THEMIS: variants seen among roughly 807,000 people sequenced by gnomAD.
THEMIS encodes protein THEMIS.
In THEMIS, 37 loss-of-function variants were observed where a neutral mutation model predicts 52.6. That is an observed-to-expected ratio of 0.70 (90% CI 0.54 to 0.93). THEMIS has a LOEUF of 0.93. THEMIS is among the 40% of genes least tolerant of loss of function. THEMIS has a pLI of 0.00. For synonymous variants in THEMIS, 292 were observed against 272.7 expected (o/e 1.07, Z -0.70); for missense variants, 808 against 763.1 (o/e 1.06, Z -0.69).
chr6:127,795,527 A>G (rs1583286596), intron 4 of THEMIS, among the ~76,000 whole-genome samples: 2 of 152,150 alleles, frequency 1.3e-5, no homozygotes, highest in African/African-American at 2.4e-5. Flanking sequence ...ATGGGGTTTC[A>G]CCTTGTTAGC....
intron 4 of THEMIS, among the ~76,000 whole-genome samples, chr6:127,802,348 G>A (rs535251525): frequency 1.1e-4 from 16 of 152,262 alleles, no homozygotes; most frequent in East Asian, 3.9e-4. Context: ...CAGATCTAAC[G>A]AGGGAACCAC....
intron 1 of THEMIS, among the ~76,000 whole-genome samples, chr6:127,858,657 C>T (rs1335130907): frequency 6.6e-6 from 1 of 151,994 alleles, no homozygotes; most frequent in East Asian, 1.9e-4. Flanking sequence ...AAAAAAATTG[C>T]TGAGATATGT....
intron 5 of THEMIS, 92 bp downstream of exon 5, chr6:127,719,596 A>G (rs930737206): frequency 1.2e-5 from 15 of 1,234,730 alleles, no homozygotes; most frequent in Non-Finnish European, 1.7e-5. Flanking sequence ...ATATATTCCA[A>G]ATAAAATAAT....
intron 2 of THEMIS, among the ~76,000 whole-genome samples, chr6:127,853,361 T>C (rs959274335): frequency 6.6e-6 from 1 of 151,736 alleles, no homozygotes; most frequent in Non-Finnish European, 1.5e-5. Context: ...CTGGGAGCTT[T>C]AAGAAACCTT....
At chr6:127,722,544 ACTT>A (rs1206474232) in intron 4 of THEMIS, among the ~76,000 whole-genome samples, 1 of 151,652 alleles carries the variant, frequency 6.6e-6, no homozygotes, top group Non-Finnish European at 1.5e-5. Flanking sequence ...TACCTGTTCA[ACTT>A]CTTTTCTGAA....
intron 2 of THEMIS, among the ~76,000 whole-genome samples, chr6:127,846,248 C>T (rs371004730): frequency 6.6e-6 from 1 of 151,846 alleles, no homozygotes; most frequent in Non-Finnish European, 1.5e-5. Context: ...AAAAAGGAAA[C>T]AATTTGATTA....
intron 1 of THEMIS, among the ~76,000 whole-genome samples, chr6:127,906,455 A>G (rs1019321536): frequency 6.6e-6 from 1 of 151,970 alleles, no homozygotes; most frequent in South Asian, 2.1e-4. Context: ...TTAATGGTGC[A>G]ATGTTTAGTC....
intron 4 of THEMIS, among the ~76,000 whole-genome samples, chr6:127,800,340 A>G (rs1338706405): frequency 6.6e-6 from 1 of 152,124 alleles, no homozygotes; most frequent in Non-Finnish European, 1.5e-5. Context: ...CTCATGGGCT[A>G]CCCACTCTAG....
At chr6:127,906,992 A>C (rs144539617) in intron 1 of THEMIS, among the ~76,000 whole-genome samples, 2,660 of 152,046 alleles carry the variant, frequency 0.017, 86 homozygotes, top group African/African-American at 0.06. Context: ...AAGCTTCAGC[A>C]GTAGAGGCTT....
At chr6:127,730,706 T>G (rs1187295987) in intron 4 of THEMIS, among the ~76,000 whole-genome samples, 1 of 152,220 alleles carries the variant, frequency 6.6e-6, no homozygotes, top group African/African-American at 2.4e-5. Flanking sequence ...TTTTCAGCAA[T>G]GAAAGCATAT....
intron 2 of THEMIS, among the ~76,000 whole-genome samples, chr6:127,841,529 G>GT (rs1201981820): frequency 2.6e-5 from 4 of 152,072 alleles, no homozygotes; most frequent in African/African-American, 9.7e-5. Context: ...AGCACCAGCT[G>GT]TGGAACAGCC....
intron 5 of THEMIS, among the ~76,000 whole-genome samples, chr6:127,711,408 G>A (rs939502518): frequency 1.3e-5 from 2 of 151,940 alleles, no homozygotes; most frequent in African/African-American, 4.8e-5. Context: ...AAAGAAGAGC[G>A]ATTTCTCCAC....
chr6:127,781,960 G>A, intron 4 of THEMIS, among the ~76,000 whole-genome samples: 1 of 152,202 alleles, frequency 6.6e-6, no homozygotes, highest in Non-Finnish European at 1.5e-5. Flanking sequence ...GAGCCAGCAG[G>A]CAGGAATGTT....
intron 1 of THEMIS, among the ~76,000 whole-genome samples, chr6:127,884,481 T>C (rs1780585030): frequency 6.6e-6 from 1 of 152,134 alleles, no homozygotes; most frequent in African/African-American, 2.4e-5. Flanking sequence ...ATTAATGTTT[T>C]TATCATCTAC....
intron 3 of THEMIS, among the ~76,000 whole-genome samples, chr6:127,825,222 G>T (rs949783508): frequency 6.6e-6 from 1 of 152,066 alleles, no homozygotes; most frequent in African/African-American, 2.4e-5. Flanking sequence ...AAGACAGAGA[G>T]AAGAGAAAAT....
intron 4 of THEMIS, among the ~76,000 whole-genome samples, chr6:127,779,056 T>G (rs982831589): frequency 3.3e-5 from 5 of 152,024 alleles, no homozygotes; most frequent in Non-Finnish European, 5.9e-5. Flanking sequence ...TAGGCAAAGA[T>G]TCCATGAAAG....
intron 3 of THEMIS, among the ~76,000 whole-genome samples, chr6:127,826,068 A>G (rs1249608549): frequency 6.6e-6 from 1 of 152,184 alleles, no homozygotes; most frequent in Non-Finnish European, 1.5e-5. Flanking sequence ...CTTCATTGTC[A>G]TATGTGAAAG....
At chr6:127,850,938 C>T (rs1410387132) in intron 2 of THEMIS, among the ~76,000 whole-genome samples, 2 of 151,524 alleles carry the variant, frequency 1.3e-5, no homozygotes, top group Non-Finnish European at 3.0e-5. Flanking sequence ...AGATATCAGA[C>T]TTACTAGAGA....
At chr6:127,880,091 C>A (rs528616509) in intron 1 of THEMIS, among the ~76,000 whole-genome samples, 33 of 152,110 alleles carry the variant, frequency 2.2e-4, no homozygotes, top group Non-Finnish European at 3.5e-4. Context: ...TATTATGTAT[C>A]TTTTCTTTGA....
Sources: allele counts gnomAD v4.1 joint callset (sites outside exome capture counted in the v4.1 genomes callset), GRCh38; gene constraint gnomAD v4.1.1; transcripts MANE v1.5; gene names NCBI Gene and HGNC (gene_info 2026-07-23, HGNC 2026-07-21).